PACRG: variants seen among roughly 807,000 people sequenced by gnomAD.
PACRG encodes parkin coregulated, also known as parkin coregulated gene protein.
A neutral mutation model predicts 29.7 loss-of-function variants in PACRG; 29 were observed. That is an observed-to-expected ratio of 0.98 (90% CI 0.73 to 1.33). The LOEUF (loss-of-function observed/expected upper bound fraction) is 1.33, where lower values mean the gene tolerates loss of function less well. Among genes scored for constraint, PACRG ranks in the 40% most tolerant of loss-of-function variants. The pLI is 0.00. For missense variants in PACRG, 279 were observed against 316.2 expected (o/e 0.88, Z 0.89); for synonymous variants, 116 against 118.7 (o/e 0.98, Z 0.15).
At chr6:162,861,087 G>A (rs1313146175) in intron 2 of PACRG, among the ~76,000 whole-genome samples, 3 of 152,162 alleles carry the variant, frequency 2.0e-5, no homozygotes, top group South Asian at 4.1e-4. Context: ...AAGGCTGTGC[G>A]CTTCTTGTTT....
At chr6:163,141,405 A>G (rs962730449) in intron 4 of PACRG, among the ~76,000 whole-genome samples, 4 of 151,656 alleles carry the variant, frequency 2.6e-5, no homozygotes, top group Non-Finnish European at 5.9e-5. Flanking sequence ...ATAAAATGTC[A>G]GTAAGACTTA....
intron 3 of PACRG, among the ~76,000 whole-genome samples, chr6:163,077,354 G>A (rs1418278624): frequency 6.6e-6 from 1 of 152,008 alleles, no homozygotes; most frequent in Non-Finnish European, 1.5e-5. Context: ...GCCATAACAC[G>A]GTGGCTTCAT....
intron 1 of PACRG, among the ~76,000 whole-genome samples, chr6:162,813,036 A>G (rs1787015304): frequency 6.6e-6 from 1 of 152,048 alleles, no homozygotes; most frequent in Admixed American, 6.5e-5. Flanking sequence ...TCTTAATACC[A>G]CACTTAATTT....
intron 2 of PACRG, among the ~76,000 whole-genome samples, chr6:162,893,936 A>G (rs889655035): frequency 6.6e-6 from 1 of 152,214 alleles, no homozygotes; most frequent in Non-Finnish European, 1.5e-5. Context: ...TAGTGGCACA[A>G]TCAATCACGA....
intron 2 of PACRG, among the ~76,000 whole-genome samples, chr6:162,976,817 C>A (rs1234985892): frequency 6.6e-6 from 1 of 151,332 alleles, no homozygotes; most frequent in Non-Finnish European, 1.5e-5. Context: ...TTATGTCACA[C>A]AACAACAAAA....
intron 4 of PACRG, among the ~76,000 whole-genome samples, chr6:163,248,850 TA>T (rs372963188): frequency 6.6e-6 from 1 of 151,296 alleles, no homozygotes; most frequent in Middle Eastern, 3.2e-3. Context: ...CCGTTTCTAC[TA>T]AAAAAAATAC....
chr6:162,913,301 C>A lies in PACRG; in HGVS notation c.291+99020C>A, dbSNP rs1796444412. ...AGCTTTCTACATAGAGGTAATCATACAACATGTACTGTGTTTGTGGGGGAC... is the reference window on the plus strand; with the variant it reads ...AGCTTTCTACATAGAGGTAATCATAAAACATGTACTGTGTTTGTGGGGGAC... On this transcript the variant is annotated intron_variant, in intron 2 of 4. Transcript: ENST00000366888. Among the ~76,000 whole-genome samples, 4 of 152,208 alleles carry A rather than the reference C, an allele frequency of 2.6e-5. No homozygotes were observed. The South Asian group carries it at 8.3e-4, about 32-fold the overall frequency.
At chr6:163,095,601 G>C (rs906643734) in intron 4 of PACRG, 1 of 259,256 alleles carries the variant, frequency 3.9e-6, no homozygotes, top group African/African-American at 2.3e-5. Flanking sequence ...GCTGCTTCTA[G>C]CTTCCGGAGG....
At chr6:162,776,073 C>T (rs1783620750) in intron 1 of PACRG, among the ~76,000 whole-genome samples, 1 of 152,030 alleles carries the variant, frequency 6.6e-6, no homozygotes, top group Admixed American at 6.6e-5. Context: ...TGGCAGATAC[C>T]ACAAATAAAA....
chr6:162,875,079 A>T (rs1368555063), intron 2 of PACRG, among the ~76,000 whole-genome samples: 1 of 152,088 alleles, frequency 6.6e-6, no homozygotes, highest in Non-Finnish European at 1.5e-5. Context: ...ACCCTCACAC[A>T]TTCATTCATG....
intron 4 of PACRG, among the ~76,000 whole-genome samples, chr6:163,308,092 ATCTTAAAAGATAAAATATACCTGTAGCTT>A (rs1240435952): frequency 2.0e-5 from 3 of 152,256 alleles, no homozygotes; most frequent in African/African-American, 4.8e-5. Context: ...AACTGTAAAT[ATCTTAAAAGATAAAATATACCTGTAGCTT>A]TCCTTTTCCC....
At chr6:162,945,908 G>A (rs1409771584) in intron 2 of PACRG, among the ~76,000 whole-genome samples, 1 of 152,090 alleles carries the variant, frequency 6.6e-6, no homozygotes, top group Non-Finnish European at 1.5e-5. Context: ...GTTCCTGAAT[G>A]ACCACTGGGT....
At chr6:162,806,860 A>G (rs1416684303) in intron 1 of PACRG, among the ~76,000 whole-genome samples, 1 of 152,192 alleles carries the variant, frequency 6.6e-6, no homozygotes, top group African/African-American at 2.4e-5. Flanking sequence ...AATTATCCTC[A>G]GTAGCTTTAG....
At chr6:163,182,077 A>G (rs1014393824) in intron 4 of PACRG, among the ~76,000 whole-genome samples, 21 of 152,336 alleles carry the variant, frequency 1.4e-4, no homozygotes, top group African/African-American at 5.1e-4. Flanking sequence ...ACCTAGGAAC[A>G]TTCTTAGGGC....
At chr6:163,149,734 C>T (rs901072963) in intron 4 of PACRG, among the ~76,000 whole-genome samples, 5 of 152,116 alleles carry the variant, frequency 3.3e-5, no homozygotes, top group Admixed American at 1.3e-4. Context: ...GAAGCTGTCT[C>T]CCCCGACCCC....
intron 4 of PACRG, among the ~76,000 whole-genome samples, chr6:163,194,405 C>T (rs1374479013): frequency 1.3e-5 from 2 of 151,910 alleles, no homozygotes; most frequent in African/African-American, 2.4e-5. Flanking sequence ...ACCCTCCTTC[C>T]CTCCTTTCAT....
chr6:163,020,961 C>T (rs1806557342), intron 2 of PACRG, among the ~76,000 whole-genome samples: 2 of 152,168 alleles, frequency 1.3e-5, no homozygotes, highest in South Asian at 4.1e-4. Flanking sequence ...CCTGCACCTC[C>T]CTCCATGGCT....
intron 4 of PACRG, among the ~76,000 whole-genome samples, chr6:163,176,108 T>C (rs928215699): frequency 1.3e-5 from 2 of 152,204 alleles, no homozygotes; most frequent in African/African-American, 4.8e-5. Flanking sequence ...TTCTCCGTCT[T>C]ACCTGCCCCC....
chr6:162,947,182 C>A (rs557386131), intron 2 of PACRG, among the ~76,000 whole-genome samples: 5 of 149,910 alleles, frequency 3.3e-5, no homozygotes, highest in African/African-American at 9.8e-5. Flanking sequence ...AATCATCCCT[C>A]TTTCCAGATG....
Sources: allele counts gnomAD v4.1 joint callset (sites outside exome capture counted in the v4.1 genomes callset), GRCh38; gene constraint gnomAD v4.1.1; transcripts MANE v1.5; gene names NCBI Gene and HGNC (gene_info 2026-07-23, HGNC 2026-07-21).